Variants in NBEA observed in about 807,000 individuals in gnomAD.
NBEA encodes neurobeachin.
In NBEA, 44 loss-of-function variants were observed where a neutral mutation model predicts 343.4. That is an observed-to-expected ratio of 0.13 (90% CI 0.10 to 0.16). The LOEUF (loss-of-function observed/expected upper bound fraction) is 0.16. Among genes scored for constraint, NBEA ranks in the 10% least tolerant of loss-of-function variants. The pLI, the probability that NBEA is intolerant of heterozygous loss-of-function variation, is 1.00. For synonymous variants in NBEA, 1,175 were observed against 1,238.7 expected (o/e 0.95, Z 1.08); for missense variants, 2,555 against 3,631.3 (o/e 0.70, Z 7.62).
intron 38 of NBEA, among the ~76,000 whole-genome samples, chr13:35,382,932 A>G (rs927874304): frequency 2.6e-5 from 4 of 152,200 alleles, no homozygotes. Context: ...GAACAGTGCC[A>G]CTGAAGGACA....
chr13:35,477,705 C>CATAAAATTAAA (rs1193677057), intron 41 of NBEA, among the ~76,000 whole-genome samples: 7 of 152,076 alleles, frequency 4.6e-5, no homozygotes, highest in Non-Finnish European at 1.0e-4. Flanking sequence ...GGTGACCTGG[C>CATAAAATTAAA]AGTAGACTTC....
intron 10 of NBEA, 147 bp downstream of exon 10, chr13:35,070,999 G>A: frequency 1.4e-6 from 1 of 725,612 alleles, no homozygotes; most frequent in Non-Finnish European, 2.0e-6. Flanking sequence ...AATGGAGATA[G>A]ATATTTATAC....
intron 53 of NBEA, among the ~76,000 whole-genome samples, chr13:35,654,415 A>G (rs779876024): frequency 1.3e-5 from 2 of 152,218 alleles, no homozygotes; most frequent in Non-Finnish European, 2.9e-5. Context: ...TTTCACAGGA[A>G]TTATAAATAC....
intron 41 of NBEA, among the ~76,000 whole-genome samples, chr13:35,515,394 C>G (rs1202407650): frequency 6.6e-6 from 1 of 152,132 alleles, no homozygotes; most frequent in South Asian, 2.1e-4. Context: ...AGCCACCTCC[C>G]TTTTTATCAA....
chr13:35,492,942 A>G (rs903953501), intron 41 of NBEA, among the ~76,000 whole-genome samples: 1 of 151,956 alleles, frequency 6.6e-6, no homozygotes, highest in African/African-American at 2.4e-5. Flanking sequence ...ATTTCTAAAT[A>G]GATAAGTGAC....
intron 41 of NBEA, among the ~76,000 whole-genome samples, chr13:35,519,587 G>A (rs985393396): frequency 2.0e-5 from 3 of 152,018 alleles, no homozygotes; most frequent in African/African-American, 7.2e-5. Flanking sequence ...GTGTAATGTA[G>A]ACATGAATAT....
chr13:35,113,394 G>A (rs1467711904), intron 13 of NBEA, among the ~76,000 whole-genome samples: 5 of 152,038 alleles, frequency 3.3e-5, no homozygotes, highest in Non-Finnish European at 5.9e-5. Context: ...TAATTAATAA[G>A]TATTTGGTGG....
chr13:35,522,475 C>CAAAAAAAAAAAAAAAAAAAAAAAAA (rs138270833), intron 41 of NBEA, among the ~76,000 whole-genome samples: 1 of 42,036 alleles, frequency 2.4e-5, no homozygotes, highest in Non-Finnish European at 5.5e-5. Context: ...ATACCATCTC[C>CAAAAAAAAAAAAAAAAAAAAAAAAA]AAAAAAAAAA....
chr13:35,134,208 G>A (rs2067590224), intron 17 of NBEA, among the ~76,000 whole-genome samples: 1 of 151,848 alleles, frequency 6.6e-6, no homozygotes, highest in South Asian at 2.1e-4. Context: ...ATAGAATAAT[G>A]GTAGAGATGA....
rs2085630898 is a variant in NBEA at position 35,671,952 on chromosome 13, T to C, written c.*961T>C. On this transcript the variant is annotated 3_prime_UTR_variant, in exon 59 of 59. Coordinates refer to ENST00000379939, the MANE Select transcript of NBEA (RefSeq NM_001385012.1). Reference sequence around the variant, plus strand: ...GTGTATACATTAGGGGAGGATAATCTGATGCTAACTTTTTTTTTCTCTTTG... The same window carrying C: ...GTGTATACATTAGGGGAGGATAATCCGATGCTAACTTTTTTTTTCTCTTTG... 6.6e-6 allele frequency: 1 copy of C among 152,396 alleles called. No individual in the cohort carries two copies. The highest frequency in any genetic ancestry group is 6.5e-5 in the Admixed American group (1 of 15,280). 9.4% of individuals were successfully genotyped at this position (152,396 alleles called of 1,614,324 possible).
At chr13:35,587,111 A>T (rs2081326313) in intron 46 of NBEA, among the ~76,000 whole-genome samples, 2 of 152,162 alleles carry the variant, frequency 1.3e-5, no homozygotes, top group Non-Finnish European at 2.9e-5. Flanking sequence ...CCAGTGGAAA[A>T]TTACCTATTA....
At chr13:35,377,561 A>T (rs914367102) in intron 38 of NBEA, among the ~76,000 whole-genome samples, 3 of 152,218 alleles carry the variant, frequency 2.0e-5, no homozygotes, top group African/African-American at 7.2e-5. Flanking sequence ...GCAAGGTGCT[A>T]TCTCTTATTC....
intron 36 of NBEA, among the ~76,000 whole-genome samples, chr13:35,324,845 G>C (rs758177105): frequency 3.9e-5 from 6 of 152,066 alleles, no homozygotes; most frequent in Non-Finnish European, 8.8e-5. Flanking sequence ...GAGGACCTAA[G>C]CAATATAAGC....
At chr13:35,024,096 G>T (rs2061936968) in intron 1 of NBEA, among the ~76,000 whole-genome samples, 1 of 152,110 alleles carries the variant, frequency 6.6e-6, no homozygotes, top group Non-Finnish European at 1.5e-5. Context: ...AAAAGTGGGA[G>T]CTTATTTGTG....
chr13:34,968,515 T>A (rs2059899993), intron 1 of NBEA, among the ~76,000 whole-genome samples: 1 of 152,106 alleles, frequency 6.6e-6, no homozygotes, highest in African/African-American at 2.4e-5. Context: ...TGCCAAGAAT[T>A]GGGGGCAAAG....
intron 13 of NBEA, among the ~76,000 whole-genome samples, chr13:35,115,668 A>G (rs976604122): frequency 6.6e-6 from 1 of 152,130 alleles, no homozygotes; most frequent in Non-Finnish European, 1.5e-5. Flanking sequence ...GCAGAAATGG[A>G]TTTATATCAT....
At chr13:35,390,023 T>C (rs550109768) in intron 38 of NBEA, among the ~76,000 whole-genome samples, 25 of 140,892 alleles carry the variant, frequency 1.8e-4, no homozygotes, top group Non-Finnish European at 2.3e-4. Flanking sequence ...CTCTCTGATA[T>C]ATCGTTTTTG....
At chr13:35,653,396 T>C (rs1217783858) in intron 53 of NBEA, among the ~76,000 whole-genome samples, 2 of 148,930 alleles carry the variant, frequency 1.3e-5, no homozygotes, top group African/African-American at 5.0e-5. Context: ...AGTGATGCAA[T>C]CTCAGACCAC....
At chr13:35,425,487 TTTGA>T (rs1357631292) in intron 38 of NBEA, among the ~76,000 whole-genome samples, 1 of 152,222 alleles carries the variant, frequency 6.6e-6, no homozygotes, top group Non-Finnish European at 1.5e-5. Context: ...TGAGTTCTAG[TTTGA>T]TTGCACTGCG....
Sources: gnomAD v4.1 joint callset for allele counts (sites outside exome capture counted in the v4.1 genomes callset) on GRCh38, gnomAD v4.1.1 for gene constraint, MANE v1.5 for transcripts, NCBI Gene and HGNC (gene_info 2026-07-23, HGNC 2026-07-21) for gene names.